The following ACER1 variants were observed in gnomAD, a reference collection of about 807,000 sequenced individuals.
ACER1 encodes the protein CTB-180A7.3.
In ACER1, 28 loss-of-function variants were observed where a neutral mutation model predicts 24.9. The observed-to-expected ratio is 1.13, with a 90% CI of 0.83 to 1.54. The LOEUF (loss-of-function observed/expected upper bound fraction) is 1.54, where lower values mean the gene tolerates loss of function less well. Ranked by LOEUF, ACER1 falls within the 40% of genes most tolerant of loss-of-function variation. The pLI is 0.00. For missense variants in ACER1, 352 were observed against 349.3 expected (o/e 1.01, Z -0.06); for synonymous variants, 132 against 131.4 (o/e 1.00, Z -0.03).
At chr19:6,312,892 C>T (rs752826819) in intron 1 of ACER1, among the ~76,000 whole-genome samples, 121 of 151,838 alleles carry the variant, frequency 8.0e-4, no homozygotes, top group Non-Finnish European at 1.4e-3. Flanking sequence ...GGCCAGGCTG[C>T]TCTTGAACTC....
chr19:6,309,964 A>T (rs1445096401), intron 3 of ACER1, 130 bp from the exon 4 acceptor site: 2 of 1,202,776 alleles, frequency 1.7e-6, no homozygotes, highest in Non-Finnish European at 2.3e-6. Context: ...ATAGGCTCAG[A>T]AAAGGGTCCT....
At chr19:6,322,404 T>G (rs1480535236) in intron 1 of ACER1, among the ~76,000 whole-genome samples, 1 of 152,182 alleles carries the variant, frequency 6.6e-6, no homozygotes, top group East Asian at 1.9e-4. Context: ...CAGCTCCTAT[T>G]TGACTTCCAG....
chr19:6,328,945 G>A (rs923837551), intron 1 of ACER1, among the ~76,000 whole-genome samples: 1 of 151,926 alleles, frequency 6.6e-6, no homozygotes, highest in Non-Finnish European at 1.5e-5. Flanking sequence ...AAAGTGCTGG[G>A]ATTACATGTG....
upstream of ACER1, among the ~76,000 whole-genome samples, chr19:6,336,807 G>A (rs1320816201): frequency 2.2e-5 from 3 of 135,416 alleles, no homozygotes; most frequent in Non-Finnish European, 4.6e-5. Context: ...GCGACAGATC[G>A]AGACCCCGAC....
chr19:6,309,554 C>T, intron 4 of ACER1, 143 bp downstream of exon 4: 3 of 1,047,124 alleles, frequency 2.9e-6, no homozygotes, highest in South Asian at 3.0e-5. Flanking sequence ...ACAAACTCTG[C>T]AGTCAGTCAG....
chr19:6,358,412 T>C, the ACER1 span, among the ~76,000 whole-genome samples: 1 of 152,144 alleles, frequency 6.6e-6, no homozygotes, highest in Non-Finnish European at 1.5e-5. Context: ...TGTGTCCCCT[T>C]CTATCTCCCC....
chr19:6,309,821 G>T lies in ACER1; in HGVS notation c.364C>A (p.Arg122Ser). Residue 122 changes from arginine to serine, a missense_variant, in exon 4 of 6, where the codon CGC becomes AGC. By Grantham distance (110) the Arg-to-Ser change is moderately radical (BLOSUM62 -1). Coordinates refer to ENST00000301452, the MANE Select transcript of ACER1 (RefSeq NM_133492.3). ...ACCACAGTGGTGATGAAGACCAGGC[G>T]GATGAACTGGGACCTGGGGAGGAAG... ...FLGGNRSQFI[R>S]LVFITTVVST... 1 of 1,614,046 alleles carries T rather than the reference G, an allele frequency of 6.2e-7. No individual in the cohort carries two copies. The highest frequency in any genetic ancestry group is 8.5e-7 in the Non-Finnish European group (1 of 1,179,980).
At chr19:6,347,109 A>AATAT in the ACER1 span, among the ~76,000 whole-genome samples, 896 of 113,666 alleles carry the variant, frequency 7.9e-3, 10 homozygotes, top group East Asian at 0.011. Context: ...AAAAAAAAAA[A>AATAT]ATATATATAT....
chr19:6,352,587 C>CT, the ACER1 span, among the ~76,000 whole-genome samples: 3 of 152,290 alleles, frequency 2.0e-5, no homozygotes, highest in East Asian at 1.9e-4. Context: ...TTACACAGCA[C>CT]TAACTAACTG....
chr19:6,325,290 G>A (rs775941138), intron 1 of ACER1, among the ~76,000 whole-genome samples: 15 of 152,086 alleles, frequency 9.9e-5, no homozygotes, highest in Non-Finnish European at 1.3e-4. Context: ...CTCCCCCATC[G>A]ACTGGGGAGA....
intron 1 of ACER1, among the ~76,000 whole-genome samples, chr19:6,321,631 C>G (rs1385901335): frequency 1.3e-5 from 2 of 151,740 alleles, no homozygotes; most frequent in African/African-American, 4.8e-5. Context: ...TTGTTTGAGA[C>G]AGAGTCTCAC....
the ACER1 span, among the ~76,000 whole-genome samples, chr19:6,340,132 T>C: frequency 7.3e-5 from 11 of 151,286 alleles, no homozygotes; most frequent in African/African-American, 2.7e-4. Flanking sequence ...AAAAATAAAA[T>C]TAGCCAGGCG....
chr19:6,307,076 C>A (rs568039189), intron 5 of ACER1, 77 bp downstream of exon 5: 10 of 1,584,766 alleles, frequency 6.3e-6, no homozygotes, highest in Admixed American at 1.7e-5. Flanking sequence ...ACCCCAGCCC[C>A]CAGGTGCCTA....
chr19:6,347,265 G>T, the ACER1 span, among the ~76,000 whole-genome samples: 1 of 137,510 alleles, frequency 7.3e-6, no homozygotes. Context: ...TTGTCATCCA[G>T]ACTGGAGTAC....
At chr19:6,347,499 T>C in the ACER1 span, among the ~76,000 whole-genome samples, 39,699 of 151,676 alleles carry the variant, frequency 0.26, 7,200 homozygotes, top group African/African-American at 0.51. Flanking sequence ...GGATTATAGG[T>C]ACGAGCCACT....
At chr19:6,341,476 T>C in the ACER1 span, among the ~76,000 whole-genome samples, 1 of 146,602 alleles carries the variant, frequency 6.8e-6, no homozygotes, top group Non-Finnish European at 1.5e-5. Context: ...GTGAGCTATG[T>C]GTGCACCACT....
At position 6,323,288 on chromosome 19, in the gene ACER1, C is replaced by T. The variant is rs1185928722; in HGVS notation, c.93+10171G>A. ...ACAAAAAATTAGCTGGGCGAGGTGG[C>T]GGGTGCCTGTAGTCCCAGCTACTTG... On this transcript the variant is annotated intron_variant, in intron 1 of 5. Transcript: ENST00000301452. Among the ~76,000 whole-genome samples, 8 of 151,812 alleles carry T rather than the reference C, an allele frequency of 5.3e-5. No individual in the cohort carries two copies. The South Asian group carries it at 6.3e-4, about 12-fold the overall frequency.
At chr19:6,337,581 G>A (rs542889402), upstream of ACER1, among the ~76,000 whole-genome samples, 1 of 145,568 alleles carries the variant, frequency 6.9e-6, no homozygotes, top group East Asian at 2.1e-4. Flanking sequence ...AGCCTTCTGA[G>A]TAGCTGGGAT....
At chr19:6,310,189 G>A (rs2091571653) in intron 3 of ACER1, among the ~76,000 whole-genome samples, 1 of 152,072 alleles carries the variant, frequency 6.6e-6, no homozygotes, top group Non-Finnish European at 1.5e-5. Flanking sequence ...CCAGGTTCAC[G>A]CCATTCTCCT....
Sources: gnomAD v4.1 joint callset for allele counts (sites outside exome capture counted in the v4.1 genomes callset) on GRCh38, gnomAD v4.1.1 for gene constraint, MANE v1.5 for transcripts, NCBI Gene and HGNC (gene_info 2026-07-23, HGNC 2026-07-21) for gene names.